The following RNF187 variants were observed in gnomAD, a reference collection of about 807,000 sequenced individuals.
RNF187 encodes the protein ring finger protein 187.
A neutral mutation model predicts 22.2 loss-of-function variants in RNF187; 18 were observed. The ratio of observed to expected loss-of-function variants is 0.81; its 90% CI spans 0.56 to 1.20. The LOEUF is 1.20. RNF187 is among the 50% of genes most tolerant of loss of function. The pLI, the probability that RNF187 is intolerant of heterozygous loss-of-function variation, is 0.00. For missense variants in RNF187, 329 were observed against 317.6 expected, an observed-to-expected ratio of 1.04 and a Z score of -0.27; for synonymous variants, 164 against 140.9, an observed-to-expected ratio of 1.16 and a Z score of -1.16.
chr1:228,494,490 C>T lies in RNF187; in HGVS notation c.*605C>T. 12 of 986,810 alleles carry T rather than the reference C, an allele frequency of 1.2e-5. No individual in the cohort carries two copies. The highest frequency in any genetic ancestry group is 1.3e-5 in the Non-Finnish European group (11 of 830,888). The allele number at this position is 986,810 out of a possible 1,614,324, so 61.1% of individuals were successfully genotyped here. A position where few individuals can be genotyped will look rare whatever the true frequency, so the allele number is the denominator to read the frequency against. ...CTCTGTCCACCTCCCCCTTCCTGGC[C>T]CCCACCCCACTCCTGTGCCTCCCAG... On this transcript the variant is annotated 3_prime_UTR_variant, in exon 4 of 4. Coordinates refer to ENST00000305943, the MANE Select transcript of RNF187 (RefSeq NM_001010858.3).
At chr1:228,488,067 C>T in intron 1 of RNF187, among the ~76,000 whole-genome samples, 189 bp downstream of exon 1, 2 of 151,526 alleles carry the variant, frequency 1.3e-5, no homozygotes, top group South Asian at 4.2e-4. Flanking sequence ...TGGGCCCCTC[C>T]CTCCTGCGGC....
In RNF187 at chr1:228,495,914, C is replaced by A; in HGVS notation, c.*2029C>A. ...TGCCTAAGGGGGATTGGTTCCAGGACCCCCTCATGGATACCAAAATCTGCA... is the reference window on the plus strand; with the variant it reads ...TGCCTAAGGGGGATTGGTTCCAGGAACCCCTCATGGATACCAAAATCTGCA... On this transcript the variant is annotated 3_prime_UTR_variant, in exon 4 of 4. Transcript: ENST00000305943. 3.1e-6 allele frequency: 1 copy of A among 327,266 alleles called. No homozygotes were observed. The highest frequency in any genetic ancestry group is 4.4e-6 in the Non-Finnish European group (1 of 228,700). The allele number at this position is 327,266 out of a possible 1,614,324, so 20.3% of individuals were successfully genotyped here.
intron 2 of RNF187, 73 bp downstream of exon 2, chr1:228,489,125 A>T: frequency 7.7e-7 from 1 of 1,302,452 alleles, no homozygotes; most frequent in Admixed American, 2.0e-5. Context: ...AGGGACCACC[A>T]GGCCAAGTGG....
At chr1:228,489,122 A>ACCAGGCCAAGTGGG in intron 2 of RNF187, 70 bp downstream of exon 2, 1 of 1,359,600 alleles carries the variant, frequency 7.4e-7, no homozygotes, top group Non-Finnish European at 1.0e-6. Flanking sequence ...CAAAGGGACC[A>ACCAGGCCAAGTGGG]CCAGGCCAAG....
chr1:228,487,891 G>A lies in RNF187; in HGVS notation c.390+13G>A. 195 of 1,209,690 alleles carry A rather than the reference G, an allele frequency of 1.6e-4. No individual in the cohort carries two copies. In the African/African-American group the frequency reaches 2.9e-3, roughly 18 times the overall value. 74.9% of individuals were successfully genotyped at this position (1,209,690 alleles called of 1,614,324 possible). On this transcript the variant is annotated intron_variant, in intron 1 of 3. Coordinates refer to ENST00000305943, the MANE Select transcript of RNF187 (RefSeq NM_001010858.3). ...GCTGCGCGGCAAGGTGCGCGCCGCG[G>A]GGTCCCGTGCCCCACCCCGGACGGT...
At position 228,493,392 on chromosome 1, in the gene RNF187, G is replaced by T; in HGVS notation, c.705+118G>T. On this transcript the variant is annotated intron_variant, in intron 3 of 3. Transcript: ENST00000305943. The surrounding 1 kb of genome is among the most constrained non-coding windows in gnomAD (Gnocchi z 4.7). ...TTAAAAGCCCAGCCTGACTCCCACT[G>T]CCGTGGCCTTGCAGGGCTGAATTTC... The T allele has an allele frequency of 6.9e-7, 1 of 1,453,338 alleles. No individual in the cohort carries two copies. Among genetic ancestry groups the T allele is most frequent in the East Asian group, 2.5e-5 (1 of 40,094 alleles). The allele number at this position is 1,453,338 out of a possible 1,614,324, so 90.0% of individuals were successfully genotyped here.
chr1:228,495,159 AGCAGG>A lies in RNF187; in HGVS notation c.*1281_*1285del. The A allele has an allele frequency of 1.4e-5, 7 of 494,056 alleles. No individual in the cohort carries two copies. In the South Asian group the frequency reaches 6.0e-4, roughly 43 times the overall value. The allele number at this position is 494,056 out of a possible 1,614,324, so 30.6% of individuals were successfully genotyped here. A position where few individuals can be genotyped will look rare whatever the true frequency, so the allele number is the denominator to read the frequency against. ...GGGAGATGGGGCTCCACCCCGACGTAGCAGGGCAGGGGTTGGAGGAGCGAGGAGCA... is the reference window on the plus strand; with the variant it reads ...GGGAGATGGGGCTCCACCCCGACGTAGCAGGGGTTGGAGGAGCGAGGAGCA... On this transcript the variant is annotated 3_prime_UTR_variant, in exon 4 of 4. Transcript: ENST00000305943.
At chr1:228,490,633 A>T in intron 2 of RNF187, among the ~76,000 whole-genome samples, 1 of 152,234 alleles carries the variant, frequency 6.6e-6, no homozygotes, top group Non-Finnish European at 1.5e-5. Context: ...TTGCATTCTC[A>T]GCAACAAAAG....
Position 228,487,559 on chromosome 1 carries a change from G to A in RNF187, c.71G>A (p.Arg24His), listed in dbSNP as rs1166517858. The A allele has an allele frequency of 8.0e-7, 1 of 1,245,384 alleles. No individual in the cohort carries two copies. Among genetic ancestry groups the A allele is most frequent in the South Asian group, 1.9e-5 (1 of 51,798 alleles). 77.1% of individuals were successfully genotyped at this position (1,245,384 alleles called of 1,614,324 possible). A position where few individuals can be genotyped will look rare whatever the true frequency, so the allele number is the denominator to read the frequency against. The change falls in exon 1 of 4, where the codon CGC becomes CAC. Residue 24 changes from arginine (R) to histidine (H), a missense_variant. Arg to His is a conservative substitution (Grantham distance 29, BLOSUM62 0). Transcript: ENST00000305943. ...CAGCGCGCGCCCCGGGAACCGGTGC[G>A]CGCCGACTGCGGCCACCGCTTCTGT...
chr1:228,495,206 T>A lies in RNF187; in HGVS notation c.*1321T>A. The A allele has an allele frequency of 3.9e-6, 1 of 257,154 alleles. No homozygotes were observed. Among genetic ancestry groups the A allele is most frequent in the Non-Finnish European group, 6.1e-6 (1 of 164,366 alleles). The allele number at this position is 257,154 out of a possible 1,614,324, so 15.9% of individuals were successfully genotyped here. On this transcript the variant is annotated 3_prime_UTR_variant, in exon 4 of 4. Transcript: ENST00000305943. Reference sequence around the variant, plus strand: ...CGAGGAGCAGTATAGGGTCCATGGGTGGGAATGACTGTGAGGAGACATCAG... The same window carrying A: ...CGAGGAGCAGTATAGGGTCCATGGGAGGGAATGACTGTGAGGAGACATCAG...
chr1:228,492,359 ATTGTTTTTTTTTTTGTTTT>A, intron 2 of RNF187, among the ~76,000 whole-genome samples: 2 of 146,582 alleles, frequency 1.4e-5, no homozygotes, highest in Non-Finnish European at 3.0e-5. Flanking sequence ...CTCTTCTGTT[ATTGTTTTTTTTTTTGTTTT>A]TTGTTTTTTT....
Position 228,493,198 on chromosome 1 carries a change from G to T in RNF187, c.629G>T (p.Arg210Leu). 6.4e-7 allele frequency: 1 copy of T among 1,551,692 alleles called. No homozygotes were observed. Among genetic ancestry groups the T allele is most frequent in the Non-Finnish European group, 8.7e-7 (1 of 1,147,000 alleles). The change falls in exon 3 of 4, where the codon CGG becomes CTG. Residue 210 changes from arginine to leucine, a missense_variant. Arg to Leu is a moderately radical substitution (Grantham distance 102, BLOSUM62 -2). Transcript: ENST00000305943. The surrounding 1 kb of genome is among the most constrained non-coding windows in gnomAD (Gnocchi z 4.7). ...GACGAGCTGGCTGACCCCACTGAGCGGTTCAGGTCACTGCTGCAGGCGGTC... is the reference window on the plus strand; with the variant it reads ...GACGAGCTGGCTGACCCCACTGAGCTGTTCAGGTCACTGCTGCAGGCGGTC...
chr1:228,494,799 T>C lies in RNF187; in HGVS notation c.*914T>C. ...GGACAGGATTGCAAAGTCGGGGACA[T>C]AGATGCAGACAGTTGTTGAGATTTG... On this transcript the variant is annotated 3_prime_UTR_variant, in exon 4 of 4. Transcript: ENST00000305943. 1 of 985,448 alleles carries C rather than the reference T, an allele frequency of 1.0e-6. No individual in the cohort carries two copies. Among genetic ancestry groups the C allele is most frequent in the Non-Finnish European group, 1.2e-6 (1 of 829,974 alleles). The allele number at this position is 985,448 out of a possible 1,614,324, so 61.0% of individuals were successfully genotyped here.
At chr1:228,492,465 G>T in intron 2 of RNF187, among the ~76,000 whole-genome samples, 1 of 147,672 alleles carries the variant, frequency 6.8e-6, no homozygotes, top group African/African-American at 2.4e-5. Context: ...GGGACTACAG[G>T]CGTGCGCCAC....
At position 228,487,439 on chromosome 1, in the gene RNF187, G is replaced by A. The variant is rs1571797127; in HGVS notation, c.-50G>A. The A allele has an allele frequency of 1.8e-6, 2 of 1,092,630 alleles. No homozygotes were observed. The highest frequency in any genetic ancestry group is 5.1e-5 in the Admixed American group (1 of 19,430). The allele number at this position is 1,092,630 out of a possible 1,614,324, so 67.7% of individuals were successfully genotyped here. ...CCGGTCGCCGGCCGTCTAGGTCTCC[G>A]GCCCTCCCCAGCCGCTCCTGCGCCC... is the stretch of plus-strand genomic sequence containing the variant. On this transcript the variant is annotated 5_prime_UTR_variant, in exon 1 of 4. Coordinates refer to ENST00000305943, the MANE Select transcript of RNF187 (RefSeq NM_001010858.3).
Position 228,494,336 on chromosome 1 carries a change from C to A in RNF187, c.*451C>A. On this transcript the variant is annotated 3_prime_UTR_variant, in exon 4 of 4. Coordinates refer to ENST00000305943, the MANE Select transcript of RNF187 (RefSeq NM_001010858.3). ...CATCCAGAAAGAAGAATGCGCATGA[C>A]GCTCTGTGAAGGCTGGAACTCAGGT... 9.5e-7 allele frequency: 1 copy of A among 1,052,864 alleles called. No homozygotes were observed. 65.2% of individuals were successfully genotyped at this position (1,052,864 alleles called of 1,614,324 possible).
chr1:228,495,553 A>G lies in RNF187; in HGVS notation c.*1668A>G. ...TCTCCGCCTGCTGCAGTCTGCTGTC[A>G]TCCCTGAGCATCCCTGCCCCTGCCC... On this transcript the variant is annotated 3_prime_UTR_variant, in exon 4 of 4. Coordinates refer to ENST00000305943, the MANE Select transcript of RNF187 (RefSeq NM_001010858.3). 14 of 985,102 alleles carry G rather than the reference A, an allele frequency of 1.4e-5. No individual in the cohort carries two copies. The African/African-American group carries it at 2.3e-4, about 16-fold the overall frequency. The allele number at this position is 985,102 out of a possible 1,614,324, so 61.0% of individuals were successfully genotyped here. A position where few individuals can be genotyped will look rare whatever the true frequency, so the allele number is the denominator to read the frequency against.
Position 228,494,478 on chromosome 1 carries a change from C to T in RNF187, c.*593C>T. 2 of 987,198 alleles carry T rather than the reference C, an allele frequency of 2.0e-6. No individual in the cohort carries two copies. The highest frequency in any genetic ancestry group is 2.4e-6 in the Non-Finnish European group (2 of 831,006). The allele number at this position is 987,198 out of a possible 1,614,324, so 61.2% of individuals were successfully genotyped here. On this transcript the variant is annotated 3_prime_UTR_variant, in exon 4 of 4. Transcript: ENST00000305943. ...TTATCCAAGTCGCTCTGTCCACCTC[C>T]CCCTTCCTGGCCCCCACCCCACTCC...
Position 228,493,277 on chromosome 1 carries a change from G to A in RNF187, c.705+3G>A. On this transcript the variant is annotated splice_donor_region_variant and intron_variant, in intron 3 of 3. Transcript: ENST00000305943. The surrounding 1 kb of genome is among the most constrained non-coding windows in gnomAD (Gnocchi z 4.7). ...TGGGCCTCAGCATGCTGCTGCAGGT[G>A]CGGGAGCCCCGCTGGGTCTGCCCAC... The A allele has an allele frequency of 6.5e-7, 1 of 1,548,926 alleles. No individual in the cohort carries two copies. Among genetic ancestry groups the A allele is most frequent in the Non-Finnish European group, 8.7e-7 (1 of 1,146,348 alleles).
Sources: gnomAD v4.1 joint callset for allele counts (sites outside exome capture counted in the v4.1 genomes callset) on GRCh38, gnomAD v4.1.1 for gene constraint, Gnocchi (gnomAD v3.1) non-coding constraint, MANE v1.5 for transcripts, NCBI Gene and HGNC (gene_info 2026-07-23, HGNC 2026-07-21) for gene names.